The following ASB4 variants were observed in gnomAD, a reference collection of about 807,000 sequenced individuals.
The protein encoded by ASB4 is ankyrin repeat and SOCS box protein 4.
Under a neutral mutation model 38.6 loss-of-function variants are expected in ASB4, and 35 were observed. The observed-to-expected ratio is 0.91, with a 90% CI of 0.69 to 1.20. ASB4 has a LOEUF of 1.20. Ranked by LOEUF, ASB4 falls within the 50% of genes most tolerant of loss-of-function variation. The probability of loss-of-function intolerance (pLI) is 0.00; values close to 1 mark genes in which losing one functional copy is unlikely to be tolerated. For synonymous variants in ASB4, 195 were observed against 201.3 expected (o/e 0.97, Z 0.26); for missense variants, 557 against 527.2 (o/e 1.06, Z -0.55).
intron 4 of ASB4, among the ~76,000 whole-genome samples, chr7:95,536,986 T>C (rs1298199358): frequency 2.0e-5 from 3 of 152,210 alleles, no homozygotes; most frequent in African/African-American, 4.8e-5. Flanking sequence ...AGAAAACCAT[T>C]GGCAGAGTCA....
upstream of ASB4, among the ~76,000 whole-genome samples, chr7:95,475,680 G>A (rs555053805): frequency 9.9e-5 from 15 of 152,184 alleles, no homozygotes; most frequent in South Asian, 8.3e-4. Flanking sequence ...CACCGTGCCC[G>A]GCCTTGAATT....
Position 95,495,870 on chromosome 7 carries a change from A to T in ASB4, c.300A>T (p.Thr100=). 6.2e-7 allele frequency: 1 copy of T among 1,614,040 alleles called. No homozygotes were observed. The highest frequency in any genetic ancestry group is 8.5e-7 in the Non-Finnish European group (1 of 1,180,026). ...CLLVLLDHNA[T]INCRPNGKTP... ...TGGTGCTACTGGACCACAATGCTAC[A>T]ATCAACTGTAGACCCAATGGGAAAA... The change falls in exon 2 of 5, where the codon ACA becomes ACT. Residue 100 remains threonine (T), a synonymous_variant. Transcript: ENST00000325885.
chr7:95,501,706 T>G (rs987389358), intron 2 of ASB4, among the ~76,000 whole-genome samples: 22 of 152,138 alleles, frequency 1.4e-4, no homozygotes, highest in African/African-American at 5.3e-4. Context: ...AACCTTTCAC[T>G]CCCTAGAGGT....
chr7:95,546,347 G>A, the ASB4 span, among the ~76,000 whole-genome samples: 1 of 152,174 alleles, frequency 6.6e-6, no homozygotes, highest in Non-Finnish European at 1.5e-5. Context: ...GTAGACATGG[G>A]CCGCATCTAA....
rs1415170410 is a variant in ASB4 at position 95,522,918 on chromosome 7, A to G, written c.488-4895A>G. ...CCCTCTTGCATAAATTAAAAGGTTC[A>G]TGAAGGAACTTCTCCCATTAAAAGT... On this transcript the variant is annotated intron_variant, in intron 2 of 4. Coordinates refer to ENST00000325885, the MANE Select transcript of ASB4 (RefSeq NM_016116.3). 2.6e-5 allele frequency among the ~76,000 whole-genome samples: 4 copies of G among 152,198 alleles called. No homozygotes were observed. The East Asian group carries it at 7.7e-4, about 29-fold the overall frequency.
At position 95,496,041 on chromosome 7, in the gene ASB4, G is replaced by A; in HGVS notation, c.471G>A (p.Lys157=). The A allele has an allele frequency of 6.2e-7, 1 of 1,613,036 alleles. No homozygotes were observed. The highest frequency in any genetic ancestry group is 1.1e-5 in the South Asian group (1 of 91,048). ...CTTPSSILCA[K]QLVWRGANVN... is the part of the protein sequence containing the mutation. ...CTCCAAGTTCCATTCTCTGTGCCAA[G>A]CAATTGGTTTGGAGAGGTAAGCCTT... Residue 157 remains lysine (K), a synonymous_variant, in exon 2 of 5, where the codon AAG becomes AAA. Transcript: ENST00000325885.
At chr7:95,536,596 C>T in intron 4 of ASB4, 46 bp downstream of exon 4, 1 of 1,384,274 alleles carries the variant, frequency 7.2e-7, no homozygotes, top group East Asian at 2.3e-5. Context: ...TCAAGTACTT[C>T]CAGACTGCTC....
intron 2 of ASB4, among the ~76,000 whole-genome samples, chr7:95,518,029 C>G (rs540451622): frequency 3.9e-5 from 6 of 152,108 alleles, no homozygotes; most frequent in African/African-American, 1.2e-4. Context: ...AGGTGTTGGT[C>G]TTAAATTGGA....
At chr7:95,477,011 T>A (rs1169899634), upstream of ASB4, among the ~76,000 whole-genome samples, 1 of 152,118 alleles carries the variant, frequency 6.6e-6, no homozygotes. Flanking sequence ...GAAAATATGA[T>A]CAGGAAAGAT....
chr7:95,480,683 C>T (rs1198556397), intron 1 of ASB4, among the ~76,000 whole-genome samples: 1 of 152,174 alleles, frequency 6.6e-6, no homozygotes, highest in African/African-American at 2.4e-5. Flanking sequence ...GATTGTCTAA[C>T]CCCCGACCTT....
At chr7:95,522,085 G>A (rs924737984) in intron 2 of ASB4, among the ~76,000 whole-genome samples, 5 of 152,062 alleles carry the variant, frequency 3.3e-5, no homozygotes, top group Non-Finnish European at 1.5e-5. Context: ...CTTAGATTTG[G>A]TGCTGATGTA....
intron 2 of ASB4, among the ~76,000 whole-genome samples, chr7:95,524,716 T>C (rs1383681772): frequency 6.6e-6 from 1 of 152,160 alleles, no homozygotes; most frequent in Non-Finnish European, 1.5e-5. Context: ...TGTTCCCTAT[T>C]GCAGTATGAC....
At chr7:95,481,918 A>G (rs1308503525), upstream of ASB4, among the ~76,000 whole-genome samples, 1 of 152,234 alleles carries the variant, frequency 6.6e-6, no homozygotes, top group Non-Finnish European at 1.5e-5. Flanking sequence ...CTGAGGAGAC[A>G]GGAATTTCTG....
upstream of ASB4, among the ~76,000 whole-genome samples, chr7:95,481,945 A>G (rs1790024332): frequency 2.6e-5 from 4 of 152,248 alleles, no homozygotes; most frequent in South Asian, 8.3e-4. Flanking sequence ...CTGACTAGAC[A>G]GTGTGAAACA....
intron 2 of ASB4, among the ~76,000 whole-genome samples, chr7:95,517,538 C>G (rs1302893224): frequency 6.6e-6 from 1 of 150,962 alleles, no homozygotes; most frequent in African/African-American, 2.4e-5. Context: ...GAAAGGAAAT[C>G]ACAGAAAAAT....
intron 3 of ASB4, among the ~76,000 whole-genome samples, chr7:95,532,616 C>A (rs1249192526): frequency 1.3e-5 from 2 of 152,156 alleles, no homozygotes; most frequent in African/African-American, 4.8e-5. Flanking sequence ...ACATATATAT[C>A]AATATAAAAG....
At chr7:95,530,564 C>T (rs933049324) in intron 3 of ASB4, among the ~76,000 whole-genome samples, 5 of 151,932 alleles carry the variant, frequency 3.3e-5, no homozygotes, top group African/African-American at 1.2e-4. Context: ...GTGCAAGGGT[C>T]CTGAGGTAGG....
chr7:95,496,125 C>G (rs1790245270), intron 2 of ASB4, 68 bp downstream of exon 2: 10 of 1,414,874 alleles, frequency 7.1e-6, no homozygotes, highest in Non-Finnish European at 8.8e-6. Flanking sequence ...CTTTGTGACC[C>G]CTACCTACCC....
downstream of ASB4, among the ~76,000 whole-genome samples, chr7:95,541,445 A>G (rs1790968966): frequency 6.6e-6 from 1 of 152,110 alleles, no homozygotes; most frequent in African/African-American, 2.4e-5. Context: ...GCTGCAGGTG[A>G]TACATTGTAG....
Sources: gnomAD v4.1 joint callset for allele counts (sites outside exome capture counted in the v4.1 genomes callset) on GRCh38, gnomAD v4.1.1 for gene constraint, MANE v1.5 for transcripts, NCBI Gene and HGNC (gene_info 2026-07-23, HGNC 2026-07-21) for gene names.